PTPRD: variants seen among roughly 807,000 people sequenced by gnomAD.
PTPRD encodes the protein protein tyrosine phosphatase receptor type D.
PTPRD carries 34 observed loss-of-function variants against 214.5 expected under a neutral mutation model. That is an observed-to-expected ratio of 0.16 (90% CI 0.12 to 0.21). The LOEUF is 0.21. Among genes scored for constraint, PTPRD ranks in the 10% least tolerant of loss-of-function variants. The pLI is 1.00. For synonymous variants in PTPRD, 1,128 were observed against 845.7 expected (o/e 1.33, Z -5.79); for missense variants, 2,545 against 2,398.7 (o/e 1.06, Z -1.27).
chr9:9,247,136 TAAAG>T (rs2099973407), intron 9 of PTPRD, among the ~76,000 whole-genome samples: 1 of 152,084 alleles, frequency 6.6e-6, no homozygotes, highest in Non-Finnish European at 1.5e-5. Flanking sequence ...GAGCTGACCA[TAAAG>T]AAATTCTTTG....
chr9:9,382,873 A>T (rs1444796965), intron 9 of PTPRD, among the ~76,000 whole-genome samples: 1 of 152,136 alleles, frequency 6.6e-6, no homozygotes, highest in East Asian at 1.9e-4. Context: ...AGAACGATTC[A>T]CAATAGCCAA....
At chr9:10,062,538 A>T (rs1055918190) in intron 3 of PTPRD, among the ~76,000 whole-genome samples, 4 of 152,008 alleles carry the variant, frequency 2.6e-5, no homozygotes, top group Non-Finnish European at 4.4e-5. Flanking sequence ...CCCGCAAGGC[A>T]GAGGTTGCAG....
chr9:9,053,450 G>A (rs758307229), intron 10 of PTPRD, among the ~76,000 whole-genome samples: 3 of 151,946 alleles, frequency 2.0e-5, no homozygotes, highest in East Asian at 1.9e-4. Flanking sequence ...AACCCATCAC[G>A]GTTGAGTCAA....
At chr9:8,720,089 G>A (rs930640040) in intron 12 of PTPRD, among the ~76,000 whole-genome samples, 1 of 152,174 alleles carries the variant, frequency 6.6e-6, no homozygotes, top group African/African-American at 2.4e-5. Context: ...CCAGGCCTCA[G>A]CTAGAAGATT....
chr9:8,782,596 CTTT>C (rs35513651), intron 11 of PTPRD, among the ~76,000 whole-genome samples: 13,660 of 117,456 alleles, frequency 0.12, 601 homozygotes, highest in African/African-American at 0.18. Flanking sequence ...ATACTTAACG[CTTT>C]TTTTTTTTTT....
intron 10 of PTPRD, among the ~76,000 whole-genome samples, chr9:9,082,790 T>C (rs2154424126): frequency 6.6e-6 from 1 of 152,094 alleles, no homozygotes; most frequent in East Asian, 1.9e-4. Context: ...ATGAGTGAAC[T>C]CCCATTCATA....
Position 8,518,098 on chromosome 9 carries a change from C to A in PTPRD, c.1293G>T (p.Ser431=), listed in dbSNP as rs145325302. The change falls in exon 21 of 46, where the codon TCG becomes TCT. Residue 431 remains serine (S), a synonymous_variant. Transcript: ENST00000381196. ...CCTTCCACTGTACCAAAATGGTGGT[C>A]GAACTCAACATTCGTGCCTGGACAT... The part of the protein sequence containing the change: ...PRDVQARMLS[S]TTILVQWKEP... The A allele has an allele frequency of 7.1e-4, 1,148 of 1,614,126 alleles. 4 individuals carry two copies. Among genetic ancestry groups the A allele is most frequent in the Middle Eastern group, 4.3e-3 (26 of 6,062 alleles).
chr9:10,169,505 G>T (rs527593851), intron 3 of PTPRD, among the ~76,000 whole-genome samples: 1 of 146,914 alleles, frequency 6.8e-6, no homozygotes, highest in South Asian at 2.1e-4. Flanking sequence ...CAATGAGTAG[G>T]ACCACATTTC....
At chr9:10,024,357 T>C (rs2096880163) in intron 4 of PTPRD, among the ~76,000 whole-genome samples, 1 of 152,192 alleles carries the variant, frequency 6.6e-6, no homozygotes, top group African/African-American at 2.4e-5. Context: ...TTATTTTGTT[T>C]TATTGCTCAG....
chr9:9,264,176 A>G (rs993002034), intron 9 of PTPRD, among the ~76,000 whole-genome samples: 4 of 151,660 alleles, frequency 2.6e-5, no homozygotes, highest in African/African-American at 9.7e-5. Context: ...ACACCCCCAA[A>G]GGTACACAAT....
At chr9:9,985,744 A>G (rs1425517201) in intron 4 of PTPRD, among the ~76,000 whole-genome samples, 1 of 151,960 alleles carries the variant, frequency 6.6e-6, no homozygotes, top group African/African-American at 2.4e-5. Context: ...ATAAGATATT[A>G]TCATTTATAA....
chr9:8,970,434 C>A (rs533637400), intron 11 of PTPRD, among the ~76,000 whole-genome samples: 2 of 151,832 alleles, frequency 1.3e-5, no homozygotes, highest in African/African-American at 4.8e-5. Flanking sequence ...AGAAAGAGTC[C>A]ATCATCCAAA....
At chr9:9,214,531 G>A (rs1468534575) in intron 9 of PTPRD, among the ~76,000 whole-genome samples, 3 of 151,730 alleles carry the variant, frequency 2.0e-5, no homozygotes, top group Admixed American at 2.0e-4. Context: ...GTGGGAGAGG[G>A]AAAGCTGATC....
intron 5 of PTPRD, among the ~76,000 whole-genome samples, chr9:9,898,955 A>G (rs1049474775): frequency 1.1e-4 from 17 of 152,110 alleles, no homozygotes; most frequent in African/African-American, 4.1e-4. Flanking sequence ...AGCTGTCTTT[A>G]TTCATGGATT....
chr9:10,409,589 C>G (rs2098413348), intron 2 of PTPRD, among the ~76,000 whole-genome samples: 2 of 151,764 alleles, frequency 1.3e-5, no homozygotes, highest in Admixed American at 1.3e-4. Context: ...ACCAGTTATA[C>G]TCTACTCTTA....
At chr9:8,523,398 A>T in intron 19 of PTPRD, 115 bp downstream of exon 19, 2 of 1,273,956 alleles carry the variant, frequency 1.6e-6, no homozygotes, top group South Asian at 2.6e-5. Flanking sequence ...CTGCTAAAAC[A>T]TACCATTAAC....
rs536703930 is a variant in PTPRD, at chr9:8,945,853, C to A, written c.-104+72844G>T. On this transcript the variant is annotated intron_variant, in intron 11 of 45. Coordinates refer to ENST00000381196, the MANE Select transcript of PTPRD (RefSeq NM_002839.4). ...TTCCTTCAAGTCTCAGTTTAAAACC[C>A]AATTCCTTCAGGAAACCTTCCTTAA... is the stretch of plus-strand genomic sequence containing the variant. Among the ~76,000 whole-genome samples the A allele has an allele frequency of 4.6e-5, 7 of 152,200 alleles. No individual in the cohort carries two copies. The South Asian group carries it at 1.5e-3, about 32-fold the overall frequency.
chr9:10,362,644 G>C (rs1016054147), intron 2 of PTPRD, among the ~76,000 whole-genome samples: 1 of 152,112 alleles, frequency 6.6e-6, no homozygotes, highest in Non-Finnish European at 1.5e-5. Flanking sequence ...CACTTTGGGA[G>C]GCCGAGGCTG....
chr9:8,568,503 A>G (rs2090105284), intron 14 of PTPRD, among the ~76,000 whole-genome samples: 1 of 152,160 alleles, frequency 6.6e-6, no homozygotes, highest in Non-Finnish European at 1.5e-5. Context: ...ATGGATTTTG[A>G]GCCAAGAAGT....
Sources: gnomAD v4.1 joint callset for allele counts (sites outside exome capture counted in the v4.1 genomes callset) on GRCh38, gnomAD v4.1.1 for gene constraint, MANE v1.5 for transcripts, NCBI Gene and HGNC (gene_info 2026-07-23, HGNC 2026-07-21) for gene names.